MYO10: variants seen among roughly 807,000 people sequenced by gnomAD.
MYO10 encodes unconventional myosin-X.
In MYO10, 133 loss-of-function variants were observed where a neutral mutation model predicts 257.3. The observed-to-expected ratio is 0.52, with a 90% confidence interval of 0.45 to 0.60. MYO10 has a LOEUF of 0.60. Ranked by LOEUF, MYO10 falls within the 20% of genes least tolerant of loss-of-function variation. The pLI, the probability that MYO10 is intolerant of heterozygous loss-of-function variation, is 0.00. For synonymous variants in MYO10, 1,104 were observed against 1,028.6 expected (o/e 1.07, Z -1.40); for missense variants, 2,399 against 2,635.7 (o/e 0.91, Z 1.97).
intron 9 of MYO10, among the ~76,000 whole-genome samples, chr5:16,776,117 G>A (rs1741203570): frequency 6.6e-6 from 1 of 151,164 alleles, no homozygotes. Flanking sequence ...GGCTGGTCTT[G>A]AACTCCTGTG....
At chr5:16,671,024 C>A in intron 38 of MYO10, 46 bp from the exon 39 acceptor site, 1 of 1,505,092 alleles carries the variant, frequency 6.6e-7, no homozygotes, top group Non-Finnish European at 9.0e-7. Context: ...CACTGCCATG[C>A]CATGGGATGC....
At chr5:16,669,387 GCAGA>G (rs1736334487) in intron 39 of MYO10, among the ~76,000 whole-genome samples, 3 of 151,892 alleles carry the variant, frequency 2.0e-5, no homozygotes. Flanking sequence ...CTAATTTTTT[GCAGA>G]GATGGGGTTT....
intron 40 of MYO10, among the ~76,000 whole-genome samples, chr5:16,667,383 G>A (rs1038271980): frequency 5.9e-5 from 9 of 152,054 alleles, no homozygotes; most frequent in Non-Finnish European, 4.4e-5. Flanking sequence ...AGCTGGCCTG[G>A]ATCCCTGTGC....
At chr5:16,912,824 A>ACC (rs1282493021) in intron 1 of MYO10, among the ~76,000 whole-genome samples, 1 of 150,196 alleles carries the variant, frequency 6.7e-6, no homozygotes, top group East Asian at 2.0e-4. Flanking sequence ...ACACACACAC[A>ACC]CACACACACA....
intron 19 of MYO10, among the ~76,000 whole-genome samples, chr5:16,721,460 C>T (rs1422613023): frequency 1.5e-5 from 1 of 65,930 alleles, no homozygotes; most frequent in Non-Finnish European, 3.4e-5. Flanking sequence ...CATTTCACTC[C>T]GGGGCTGTTA....
intron 2 of MYO10, among the ~76,000 whole-genome samples, chr5:16,855,509 A>G (rs1743935936): frequency 6.6e-6 from 1 of 152,246 alleles, no homozygotes; most frequent in Non-Finnish European, 1.5e-5. Flanking sequence ...ATATCAGAAA[A>G]AAATAAATGC....
intron 4 of MYO10, 77 bp from the exon 5 acceptor site, chr5:16,783,546 TA>T: frequency 7.0e-7 from 1 of 1,423,078 alleles, no homozygotes; most frequent in Non-Finnish European, 9.6e-7. Context: ...AATGGCACTA[TA>T]ATTACTCAAC....
intron 1 of MYO10, among the ~76,000 whole-genome samples, chr5:16,892,742 C>T (rs2126776068): frequency 6.6e-6 from 1 of 152,308 alleles, no homozygotes; most frequent in South Asian, 2.1e-4. Flanking sequence ...GGGTCACATC[C>T]AGATGGCTTT....
At chr5:16,764,194 T>C (rs1028747432) in intron 12 of MYO10, 56 bp downstream of exon 12, 9 of 1,569,462 alleles carry the variant, frequency 5.7e-6, no homozygotes, top group Non-Finnish European at 7.8e-6. Flanking sequence ...ATTTGTTCAA[T>C]AGCAGCTAAT....
intron 2 of MYO10, among the ~76,000 whole-genome samples, chr5:16,856,774 T>C (rs1743972230): frequency 6.6e-6 from 1 of 152,124 alleles, no homozygotes. Context: ...GCTGCAGTCA[T>C]GCATGACCCT....
intron 19 of MYO10, among the ~76,000 whole-genome samples, chr5:16,721,825 C>T (rs1739164378): frequency 6.6e-6 from 1 of 152,192 alleles, no homozygotes; most frequent in Admixed American, 6.5e-5. Flanking sequence ...AACATGCACA[C>T]ATACATGTCA....
chr5:16,918,605 C>T (rs772040774), intron 1 of MYO10, among the ~76,000 whole-genome samples: 2 of 148,120 alleles, frequency 1.4e-5, no homozygotes, highest in Non-Finnish European at 3.0e-5. Flanking sequence ...TGGGTTCAAG[C>T]GATTCTCCTG....
At chr5:16,682,493 G>A (rs958180805) in intron 30 of MYO10, among the ~76,000 whole-genome samples, 2 of 152,188 alleles carry the variant, frequency 1.3e-5, no homozygotes, top group African/African-American at 4.8e-5. Flanking sequence ...CTGGGTCCGG[G>A]TTTCCAAAGT....
chr5:16,804,985 C>G (rs557502093), intron 3 of MYO10, among the ~76,000 whole-genome samples: 1 of 152,190 alleles, frequency 6.6e-6, no homozygotes, highest in African/African-American at 2.4e-5. Flanking sequence ...TCTCCCCCAT[C>G]TTAAACTTAC....
intron 10 of MYO10, 100 bp downstream of exon 10, chr5:16,768,971 TGGC>T: frequency 1.4e-6 from 2 of 1,384,156 alleles, no homozygotes; most frequent in Non-Finnish European, 1.9e-6. Context: ...CCACCGCACC[TGGC>T]CAGAATTTTC....
chr5:16,781,643 G>A, intron 6 of MYO10, 62 bp downstream of exon 6: 1 of 1,480,696 alleles, frequency 6.8e-7, no homozygotes, highest in South Asian at 1.2e-5. Flanking sequence ...CTTATAATTA[G>A]TGAGAACAGT....
Position 16,921,637 on chromosome 5 carries a change from A to G in MYO10, c.21+14151T>C, listed in dbSNP as rs542656470. Among the ~76,000 whole-genome samples the G allele has an allele frequency of 7.8e-5, 5 of 64,202 alleles. No homozygotes were observed. The East Asian group carries it at 4.3e-3, about 56-fold the overall frequency. The allele number at this position is 64,202 out of a possible 152,430, so 42.1% of individuals were successfully genotyped here. ...GTCTGGAAAAAAGAAAAGGAAAAAG[A>G]AAAAAAAAAAAAACGAAAACAGTGG... On this transcript the variant is annotated intron_variant, in intron 1 of 40. Transcript: ENST00000513610.
intron 2 of MYO10, among the ~76,000 whole-genome samples, chr5:16,821,090 TA>T (rs1742788919): frequency 6.8e-6 from 1 of 147,344 alleles, no homozygotes; most frequent in Non-Finnish European, 1.5e-5. Flanking sequence ...TATATACATA[TA>T]ATGTATAATA....
intron 3 of MYO10, among the ~76,000 whole-genome samples, chr5:16,807,180 C>T (rs570422370): frequency 6.6e-6 from 1 of 152,282 alleles, no homozygotes; most frequent in East Asian, 1.9e-4. Context: ...CAGTGACTTA[C>T]TTCCTAAATC....
Sources: allele counts gnomAD v4.1 joint callset (sites outside exome capture counted in the v4.1 genomes callset), GRCh38; gene constraint gnomAD v4.1.1; transcripts MANE v1.5; gene names NCBI Gene and HGNC (gene_info 2026-07-23, HGNC 2026-07-21).